RPS6KA5: variants seen among roughly 807,000 people sequenced by gnomAD.
RPS6KA5 encodes ribosomal protein S6 kinase A5, also known as ribosomal protein S6 kinase alpha-5.
A neutral mutation model predicts 85.5 loss-of-function variants in RPS6KA5; 27 were observed. The ratio of observed to expected loss-of-function variants is 0.32; its 90% CI spans 0.23 to 0.44. The LOEUF is 0.44. Among genes scored for constraint, RPS6KA5 ranks in the 20% least tolerant of loss-of-function variants. The pLI is 1.00. For missense variants in RPS6KA5, 811 were observed against 980.9 expected (o/e 0.83, Z 2.31); for synonymous variants, 334 against 348.2 (o/e 0.96, Z 0.46).
intron 1 of RPS6KA5, among the ~76,000 whole-genome samples, chr14:91,059,430 C>T (rs2043520334): frequency 2.6e-5 from 4 of 151,722 alleles, no homozygotes; most frequent in Admixed American, 2.6e-4. Context: ...ACGAACGACT[C>T]ATTAAAATGT....
intron 1 of RPS6KA5, among the ~76,000 whole-genome samples, chr14:91,020,414 G>C (rs2041698718): frequency 6.6e-6 from 1 of 152,072 alleles, no homozygotes; most frequent in Admixed American, 6.6e-5. Flanking sequence ...AAGGTATGTA[G>C]GAGGATGTAT....
intron 3 of RPS6KA5, among the ~76,000 whole-genome samples, chr14:90,953,656 T>C (rs551666990): frequency 1.3e-5 from 2 of 152,232 alleles, no homozygotes; most frequent in East Asian, 3.9e-4. Flanking sequence ...ATTAATACCC[T>C]GGGGAAGGAA....
At chr14:91,003,127 TAAAG>T (rs933015074) in intron 1 of RPS6KA5, among the ~76,000 whole-genome samples, 5 of 152,136 alleles carry the variant, frequency 3.3e-5, no homozygotes, top group African/African-American at 1.2e-4. Context: ...AAGAGATTAT[TAAAG>T]AGTCATGTGT....
intron 10 of RPS6KA5, 110 bp from the exon 11 acceptor site, chr14:90,900,351 A>T: frequency 1.3e-6 from 1 of 752,448 alleles, no homozygotes; most frequent in South Asian, 3.5e-5. Flanking sequence ...CAGGAATAGA[A>T]TACATTTATA....
intron 1 of RPS6KA5, among the ~76,000 whole-genome samples, chr14:91,017,169 C>T (rs920406565): frequency 3.3e-5 from 5 of 152,146 alleles, no homozygotes; most frequent in South Asian, 2.1e-4. Context: ...CAGCAGAGAC[C>T]AATACTAGGT....
intron 2 of RPS6KA5, among the ~76,000 whole-genome samples, chr14:90,989,778 A>G (rs149148025): frequency 2.6e-5 from 4 of 152,342 alleles, no homozygotes; most frequent in Admixed American, 6.5e-5. Context: ...TTGGGTATCA[A>G]TCTGAAGAAT....
intron 8 of RPS6KA5, 119 bp from the exon 9 acceptor site, chr14:90,903,088 T>G (rs2035272174): frequency 1.2e-6 from 1 of 824,864 alleles, no homozygotes; most frequent in Non-Finnish European, 1.9e-6. Flanking sequence ...TAAGAGAACA[T>G]ATTTCAAATC....
chr14:91,030,081 AC>A (rs1566884533), intron 1 of RPS6KA5, among the ~76,000 whole-genome samples: 4 of 151,966 alleles, frequency 2.6e-5, no homozygotes, highest in Admixed American at 2.6e-4. Flanking sequence ...AAGCTAAATC[AC>A]CCCCAGAGAA....
At chr14:90,875,102 TTCC>T (rs1212717609) in intron 15 of RPS6KA5, 96 bp downstream of exon 15, 4 of 1,177,464 alleles carry the variant, frequency 3.4e-6, no homozygotes, top group Non-Finnish European at 4.8e-6. Flanking sequence ...TACACATGGA[TTCC>T]TCGAGTAATT....
intron 1 of RPS6KA5, among the ~76,000 whole-genome samples, chr14:91,028,682 C>T (rs994784490): frequency 6.6e-6 from 1 of 152,024 alleles, no homozygotes; most frequent in Non-Finnish European, 1.5e-5. Flanking sequence ...CCGCGCCCTG[C>T]TAATTTTTTG....
intron 2 of RPS6KA5, among the ~76,000 whole-genome samples, chr14:90,981,946 CA>C (rs1392172605): frequency 1.3e-5 from 2 of 152,200 alleles, no homozygotes; most frequent in Non-Finnish European, 2.9e-5. Flanking sequence ...GGGAAGAAAA[CA>C]CATTCCATAC....
chr14:90,857,943 CG>C lies in RPS6KA5; in HGVS notation c.*14130del, dbSNP rs1407572334. 2.0e-5 allele frequency: 3 copies of C among 152,160 alleles called. No individual in the cohort carries two copies. The highest frequency in any genetic ancestry group is 7.2e-5 in the African/African-American group (3 of 41,520). 9.4% of individuals were successfully genotyped at this position (152,160 alleles called of 1,614,324 possible). A position where few individuals can be genotyped will look rare whatever the true frequency, so the allele number is the denominator to read the frequency against. ...TGGACAAAGGAACAAATGAATAAAC[CG>C]GGTGCCTTCACATATGACCATGTGA... is the stretch of plus-strand genomic sequence containing the variant. On this transcript the variant is annotated 3_prime_UTR_variant, in exon 17 of 17. Coordinates refer to ENST00000614987, the MANE Select transcript of RPS6KA5 (RefSeq NM_004755.4).
chr14:90,966,455 A>G (rs1021982828), intron 3 of RPS6KA5, among the ~76,000 whole-genome samples: 1 of 152,214 alleles, frequency 6.6e-6, no homozygotes, highest in Non-Finnish European at 1.5e-5. Context: ...GAGATGTTTG[A>G]GTAGGGGGAA....
intron 3 of RPS6KA5, among the ~76,000 whole-genome samples, chr14:90,957,749 AG>A (rs1001312137): frequency 3.3e-5 from 5 of 152,198 alleles, no homozygotes; most frequent in African/African-American, 1.2e-4. Flanking sequence ...CACATACGAC[AG>A]AGTTAAGCTT....
intron 1 of RPS6KA5, among the ~76,000 whole-genome samples, chr14:91,013,170 T>C (rs1193855240): frequency 1.3e-5 from 2 of 152,202 alleles, no homozygotes; most frequent in African/African-American, 2.4e-5. Flanking sequence ...CCCTATTTCA[T>C]AGGTTTCACG....
At chr14:91,054,491 G>T (rs2043225420) in intron 1 of RPS6KA5, among the ~76,000 whole-genome samples, 1 of 151,754 alleles carries the variant, frequency 6.6e-6, no homozygotes, top group South Asian at 2.1e-4. Flanking sequence ...ACAAAAATTA[G>T]CCAGGCATGG....
chr14:90,940,760 G>T lies in RPS6KA5; in HGVS notation c.618+2318C>A, dbSNP rs1054657920. ...CAGGGCGCACAGCAGGAGGTGAGCAGCAGACAAGCATTGCCACCTGAGCTC... is the reference window on the plus strand; with the variant it reads ...CAGGGCGCACAGCAGGAGGTGAGCATCAGACAAGCATTGCCACCTGAGCTC... On this transcript the variant is annotated intron_variant, in intron 5 of 16. Coordinates refer to ENST00000614987, the MANE Select transcript of RPS6KA5 (RefSeq NM_004755.4). Among the ~76,000 whole-genome samples, 4 of 152,198 alleles carry T rather than the reference G, an allele frequency of 2.6e-5. No homozygotes were observed. In the East Asian group the frequency reaches 5.8e-4, roughly 22 times the overall value.
intron 1 of RPS6KA5, among the ~76,000 whole-genome samples, chr14:91,022,909 AC>A (rs1038085699): frequency 1.6e-4 from 24 of 151,990 alleles, no homozygotes; most frequent in African/African-American, 5.8e-4. Context: ...GCATGGTGAA[AC>A]CCCATCTCTA....
chr14:90,879,813 C>T (rs963281852), intron 14 of RPS6KA5, among the ~76,000 whole-genome samples: 6 of 145,428 alleles, frequency 4.1e-5, no homozygotes, highest in Non-Finnish European at 7.5e-5. Context: ...GTTGGAGTCT[C>T]GCTCTGTCGC....
Sources: allele counts gnomAD v4.1 joint callset (sites outside exome capture counted in the v4.1 genomes callset), GRCh38; gene constraint gnomAD v4.1.1; transcripts MANE v1.5; gene names NCBI Gene and HGNC (gene_info 2026-07-23, HGNC 2026-07-21).